Variants in CLIC5 observed in about 807,000 individuals in gnomAD.
CLIC5 encodes the protein CLIC family member 5.
A neutral mutation model predicts 24.7 loss-of-function variants in CLIC5; 20 were observed. The ratio of observed to expected loss-of-function variants is 0.81; its 90% CI spans 0.57 to 1.18. CLIC5 has a LOEUF of 1.18. CLIC5 is among the 50% of genes most tolerant of loss of function. The probability of loss-of-function intolerance (pLI) is 0.00; values close to 1 mark genes in which losing one functional copy is unlikely to be tolerated. For synonymous variants in CLIC5, 159 were observed against 135.6 expected, an observed-to-expected ratio of 1.17 and a Z score of -1.20; for missense variants, 341 against 326.1, an observed-to-expected ratio of 1.05 and a Z score of -0.35.
At chr6:45,994,593 G>C (rs755285058) in intron 1 of CLIC5, among the ~76,000 whole-genome samples, 3 of 152,030 alleles carry the variant, frequency 2.0e-5, no homozygotes, top group Non-Finnish European at 4.4e-5. Flanking sequence ...CGTTCTGCAC[G>C]TGTATCCCGG....
intron 1 of CLIC5, among the ~76,000 whole-genome samples, chr6:45,981,784 C>T (rs779126693): frequency 5.5e-4 from 83 of 152,092 alleles, no homozygotes; most frequent in Non-Finnish European, 9.6e-4. Context: ...GAGGGTGGAT[C>T]ACCTGAGGAT....
intron 3 of CLIC5, among the ~76,000 whole-genome samples, chr6:45,946,182 T>A (rs554521653): frequency 3.3e-5 from 5 of 152,366 alleles, no homozygotes; most frequent in Non-Finnish European, 4.4e-5. Flanking sequence ...GCAGGGCTCC[T>A]GACTCTCAGT....
intron 4 of CLIC5, among the ~76,000 whole-genome samples, chr6:45,931,655 G>A (rs559762099): frequency 6.6e-6 from 1 of 152,164 alleles, no homozygotes; most frequent in South Asian, 2.1e-4. Context: ...TTTCTTAGAG[G>A]TTTGTTTGTT....
At chr6:46,044,074 C>G (rs1244837190) in intron 1 of CLIC5, among the ~76,000 whole-genome samples, 1 of 152,110 alleles carries the variant, frequency 6.6e-6, no homozygotes, top group Non-Finnish European at 1.5e-5. Context: ...CTGGTATCTA[C>G]CTGCGGAGCT....
chr6:46,004,770 A>G (rs1581850637), intron 1 of CLIC5, among the ~76,000 whole-genome samples: 1 of 151,464 alleles, frequency 6.6e-6, no homozygotes, highest in South Asian at 2.1e-4. Flanking sequence ...AAGGCCACAT[A>G]ACTTTCCCTA....
At chr6:45,956,470 GTTT>G (rs35101536) in intron 1 of CLIC5, among the ~76,000 whole-genome samples, 6 of 135,440 alleles carry the variant, frequency 4.4e-5, no homozygotes, top group African/African-American at 1.4e-4. Flanking sequence ...GGCTTACTGA[GTTT>G]TTTTTTTTTT....
chr6:45,893,049 G>A (rs1342113396), intron 6 of CLIC5, among the ~76,000 whole-genome samples: 2 of 152,106 alleles, frequency 1.3e-5, no homozygotes, highest in Admixed American at 6.6e-5. Context: ...ATAACCACAC[G>A]ATAGCTTTTG....
intron 1 of CLIC5, among the ~76,000 whole-genome samples, chr6:46,048,293 G>GTA (rs1353736138): frequency 2.6e-5 from 4 of 152,124 alleles, no homozygotes; most frequent in Non-Finnish European, 4.4e-5. Context: ...ATGAGCCACT[G>GTA]CTCCCAGCCC....
chr6:46,037,619 T>C (rs1412736090), intron 1 of CLIC5, among the ~76,000 whole-genome samples: 3 of 152,222 alleles, frequency 2.0e-5, no homozygotes, highest in Non-Finnish European at 2.9e-5. Flanking sequence ...GGTAAAATTT[T>C]TATGTGTTGG....
the CLIC5 span, among the ~76,000 whole-genome samples, chr6:46,104,428 T>G: frequency 1.3e-5 from 2 of 152,122 alleles, no homozygotes; most frequent in Non-Finnish European, 2.9e-5. Context: ...CAGGCGAGTT[T>G]GTCTTAACAA....
chr6:45,903,810 G>A (rs1456947587), intron 5 of CLIC5, among the ~76,000 whole-genome samples: 3 of 152,030 alleles, frequency 2.0e-5, no homozygotes, highest in African/African-American at 7.2e-5. Context: ...CTGATTGATA[G>A]AATTACCAAC....
At chr6:46,043,134 G>A (rs1340776397) in intron 1 of CLIC5, among the ~76,000 whole-genome samples, 1 of 152,154 alleles carries the variant, frequency 6.6e-6, no homozygotes, top group Non-Finnish European at 1.5e-5. Flanking sequence ...AACAGAGTTG[G>A]TTGCAGTTAC....
intron 4 of CLIC5, among the ~76,000 whole-genome samples, chr6:45,931,407 T>C (rs1211540858): frequency 6.6e-6 from 1 of 152,108 alleles, no homozygotes; most frequent in East Asian, 1.9e-4. Context: ...TCACTTTTTT[T>C]CCAACAGGGC....
At chr6:46,079,698 C>A in intron 1 of CLIC5, 1 of 1,549,260 alleles carries the variant, frequency 6.5e-7, no homozygotes, top group Non-Finnish European at 8.7e-7. Context: ...AGAGGCAGAC[C>A]TTACCTTCAC....
At chr6:45,924,108 CA>C (rs1763383093) in intron 4 of CLIC5, among the ~76,000 whole-genome samples, 1 of 152,106 alleles carries the variant, frequency 6.6e-6, no homozygotes, top group South Asian at 2.1e-4. Flanking sequence ...AAAAAAGCAA[CA>C]AAAAATTCTT....
At chr6:45,929,743 G>A (rs1172433000) in intron 4 of CLIC5, among the ~76,000 whole-genome samples, 6 of 152,124 alleles carry the variant, frequency 3.9e-5, no homozygotes, top group Admixed American at 1.3e-4. Flanking sequence ...GGTCTTCCTG[G>A]GACCCAACTG....
chr6:45,997,191 C>T (rs1370010721), intron 1 of CLIC5, among the ~76,000 whole-genome samples: 55 of 151,084 alleles, frequency 3.6e-4, no homozygotes, highest in African/African-American at 1.3e-3. Context: ...ATGATGAGTT[C>T]ATGTCCTTTG....
chr6:46,049,409 C>T (rs552437835), intron 1 of CLIC5, among the ~76,000 whole-genome samples: 4 of 152,344 alleles, frequency 2.6e-5, no homozygotes, highest in African/African-American at 9.6e-5. Context: ...CTCTCCCTGT[C>T]TCCCTTCTCC....
At chr6:45,975,831 A>G (rs1227467861) in intron 1 of CLIC5, among the ~76,000 whole-genome samples, 2 of 152,342 alleles carry the variant, frequency 1.3e-5, no homozygotes, top group Non-Finnish European at 2.9e-5. Flanking sequence ...GGTATACAAT[A>G]TAATTAAAAA....
Sources: allele counts gnomAD v4.1 joint callset (sites outside exome capture counted in the v4.1 genomes callset), GRCh38; gene constraint gnomAD v4.1.1; transcripts MANE v1.5; gene names NCBI Gene and HGNC (gene_info 2026-07-23, HGNC 2026-07-21).